ADH5: variants seen among roughly 807,000 people sequenced by gnomAD.
ADH5 encodes the protein alcohol dehydrogenase 5 (class III), chi polypeptide.
In ADH5, 32 loss-of-function variants were observed where a neutral mutation model predicts 40.3. That is an observed-to-expected ratio of 0.79 (90% CI 0.60 to 1.07). The LOEUF is 1.07. ADH5 is among the 50% of genes least tolerant of loss of function. ADH5 has a pLI of 0.00. For synonymous variants in ADH5, 125 were observed against 154.3 expected, an observed-to-expected ratio of 0.81 and a Z score of 1.41; for missense variants, 353 against 460.5, an observed-to-expected ratio of 0.77 and a Z score of 2.14.
chr4:99,072,814 TAA>T, intron 7 of ADH5, 103 bp from the exon 8 acceptor site: 2 of 1,088,456 alleles, frequency 1.8e-6, no homozygotes, highest in Non-Finnish European at 2.7e-6. Flanking sequence ...TTTGATGAGT[TAA>T]AGAGTAATGA....
intron 2 of ADH5, among the ~76,000 whole-genome samples, chr4:99,083,455 C>T (rs28894372): frequency 0.028 from 4,223 of 151,798 alleles, 95 homozygotes; most frequent in Non-Finnish European, 0.044. Flanking sequence ...CAAAAACTAG[C>T]CAGGCGTGGT....
intron 4 of ADH5, among the ~76,000 whole-genome samples, chr4:99,078,815 A>G (rs1046389333): frequency 4.6e-4 from 70 of 152,342 alleles, no homozygotes; most frequent in Non-Finnish European, 7.8e-4. Context: ...TGTGGAATAC[A>G]TTTTATGCTT....
chr4:99,077,653 C>T (rs1318161216), intron 4 of ADH5, among the ~76,000 whole-genome samples: 1 of 152,188 alleles, frequency 6.6e-6, no homozygotes, highest in African/African-American at 2.4e-5. Context: ...TTTCAGGAGG[C>T]ATTTTTCTGA....
intron 7 of ADH5, among the ~76,000 whole-genome samples, chr4:99,074,391 C>T (rs1013091003): frequency 1.1e-4 from 17 of 152,162 alleles, no homozygotes; most frequent in African/African-American, 3.1e-4. Flanking sequence ...GAAAAATGAT[C>T]AGTCTAGCAG....
At chr4:99,078,141 G>A (rs1472251946) in intron 4 of ADH5, among the ~76,000 whole-genome samples, 6 of 152,132 alleles carry the variant, frequency 3.9e-5, no homozygotes, top group African/African-American at 1.2e-4. Context: ...CACTGAGGCA[G>A]GAGGATTGCC....
At chr4:99,087,396 AGG>A (rs112581712) in intron 1 of ADH5, among the ~76,000 whole-genome samples, 572 of 34,652 alleles carry the variant, frequency 0.017, 17 homozygotes, top group African/African-American at 0.043. Context: ...CTGGCGGGGG[AGG>A]GGGGGGGGAG....
chr4:99,072,474 T>C, intron 8 of ADH5, 33 bp from the exon 9 acceptor site: 2 of 1,611,846 alleles, frequency 1.2e-6, no homozygotes, highest in South Asian at 1.1e-5. Context: ...AAGTTTTAAA[T>C]GATACCTTTA....
At chr4:99,072,508 G>T in intron 8 of ADH5, 65 bp downstream of exon 8, 1 of 1,608,488 alleles carries the variant, frequency 6.2e-7, no homozygotes, top group South Asian at 1.1e-5. Context: ...TGTGTTTTTC[G>T]ACTCTCCATC....
chr4:99,082,177 A>T, intron 2 of ADH5, 61 bp from the exon 3 acceptor site: 1 of 1,529,128 alleles, frequency 6.5e-7, no homozygotes, highest in Non-Finnish European at 8.9e-7. Flanking sequence ...AGAGGTACAG[A>T]TACAAGAAAA....
At chr4:99,086,832 G>C (rs29001349) in intron 1 of ADH5, among the ~76,000 whole-genome samples, 44 of 142,022 alleles carry the variant, frequency 3.1e-4, no homozygotes, top group African/African-American at 1.2e-3. Context: ...CACAGCTACC[G>C]GGGAGGCTGA....
Position 99,082,135 on chromosome 4 carries a change from A to G in ADH5, c.115-19T>C, listed in dbSNP as rs779935696. On this transcript the variant is annotated intron_variant, in intron 2 of 8. Coordinates refer to ENST00000296412, the MANE Select transcript of ADH5 (RefSeq NM_000671.4). ...CAATGATCTATCAGGACATTAAAACAACGAATGTGTAAGTATGTGTGCATG... is the reference window on the plus strand; with the variant it reads ...CAATGATCTATCAGGACATTAAAACGACGAATGTGTAAGTATGTGTGCATG... 6.2e-7 allele frequency: 1 copy of G among 1,612,222 alleles called. No homozygotes were observed. Among genetic ancestry groups the G allele is most frequent in the Non-Finnish European group, 8.5e-7 (1 of 1,178,762 alleles).
In ADH5 at chr4:99,088,782, T is replaced by C. The variant is rs1728206694; in HGVS notation, c.-82A>G. ...CGGAGGCATGGGCGTGGCGAGCGCC[T>C]AGCGAGGGGGGCGGGGCGTGGGGGG... On this transcript the variant is annotated 5_prime_UTR_variant, in exon 1 of 9. Transcript: ENST00000296412. 4.5e-6 allele frequency: 2 copies of C among 439,788 alleles called. No homozygotes were observed. The highest frequency in any genetic ancestry group is 7.1e-6 in the Non-Finnish European group (2 of 283,214). The allele number at this position is 439,788 out of a possible 1,614,324, so 27.2% of individuals were successfully genotyped here. A position where few individuals can be genotyped will look rare whatever the true frequency, so the allele number is the denominator to read the frequency against.
At chr4:99,073,127 C>G (rs1415264109) in intron 7 of ADH5, among the ~76,000 whole-genome samples, 1 of 152,224 alleles carries the variant, frequency 6.6e-6, no homozygotes. Context: ...CATATCAGAA[C>G]AGAAAACTAT....
In ADH5 at chr4:99,084,693, A is replaced by G. The variant is rs2110464024; in HGVS notation, c.114+422T>C. Among the ~76,000 whole-genome samples, 3 of 152,308 alleles carry G rather than the reference A, an allele frequency of 2.0e-5. No individual in the cohort carries two copies. The Middle Eastern group carries it at 0.01, about 518-fold the overall frequency. ...CCACTTTATCCTATGAACTCACTCC[A>G]AATTCTTTCTTGCGTGAGGTACAAG... On this transcript the variant is annotated intron_variant, in intron 2 of 8. Coordinates refer to ENST00000296412, the MANE Select transcript of ADH5 (RefSeq NM_000671.4).
Position 99,076,308 on chromosome 4 carries a change from C to A in ADH5, c.809G>T (p.Gly270Val). 6.2e-7 allele frequency: 1 copy of A among 1,614,014 alleles called. No individual in the cohort carries two copies. Among genetic ancestry groups the A allele is most frequent in the Non-Finnish European group, 8.5e-7 (1 of 1,179,896 alleles). ...CATACTCACCATGACCTTCACATTA[C>A]CAATACATTCAAAGGAATAGTCCAC... ...GGVDYSFECI[G>V]NVKVMRAALE... The change falls in exon 6 of 9, where the codon GGT (glycine) becomes GTT (valine). Residue 270 changes from glycine to valine, a missense_variant. Coordinates refer to ENST00000296412, the MANE Select transcript of ADH5 (RefSeq NM_000671.4).
intron 4 of ADH5, among the ~76,000 whole-genome samples, chr4:99,078,004 G>GAT (rs1727960251): frequency 6.6e-6 from 1 of 152,194 alleles, no homozygotes; most frequent in Non-Finnish European, 1.5e-5. Flanking sequence ...TGTTATATGA[G>GAT]GCTTTAGCAT....
chr4:99,078,181 T>C (rs1000876694), intron 4 of ADH5, among the ~76,000 whole-genome samples: 4 of 152,178 alleles, frequency 2.6e-5, no homozygotes, highest in Non-Finnish European at 5.9e-5. Context: ...TGCATCTCAG[T>C]ACCAAGTAGC....
At chr4:99,082,419 A>G (rs1728043501) in intron 2 of ADH5, among the ~76,000 whole-genome samples, 1 of 152,208 alleles carries the variant, frequency 6.6e-6, no homozygotes, top group South Asian at 2.1e-4. Context: ...AGGTCATTTT[A>G]TGGGCACTAT....
Position 99,076,794 on chromosome 4 carries a change from A to C in ADH5, c.474T>G (p.Ala158=), listed in dbSNP as rs2110459879. Residue 158 remains alanine (A), a synonymous_variant, in exon 5 of 9, where the codon GCT becomes GCG. Coordinates refer to ENST00000296412, the MANE Select transcript of ADH5 (RefSeq NM_000671.4). ...EYTVVADISV[A]KIDPLAPLDK... is the part of the protein sequence containing the mutation. ...CCAAAGGTGCTAAAGGATCTATTTT[A>C]GCAACAGAGATATCAGCCACAACTG... 6.2e-7 allele frequency: 1 copy of C among 1,614,056 alleles called. No individual in the cohort carries two copies. The highest frequency in any genetic ancestry group is 2.2e-5 in the East Asian group (1 of 44,892).
Sources: gnomAD v4.1 joint callset for allele counts (sites outside exome capture counted in the v4.1 genomes callset) on GRCh38, gnomAD v4.1.1 for gene constraint, MANE v1.5 for transcripts, NCBI Gene and HGNC (gene_info 2026-07-23, HGNC 2026-07-21) for gene names.